OPRM1: variants seen among roughly 807,000 people sequenced by gnomAD.
OPRM1 encodes the protein opioid receptor mu 1.
OPRM1 carries 27 observed loss-of-function variants against 31.8 expected under a neutral mutation model. That is an observed-to-expected ratio of 0.85 (90% CI 0.63 to 1.17). OPRM1 has a LOEUF of 1.17. OPRM1 is among the 50% of genes most tolerant of loss of function. The probability of loss-of-function intolerance (pLI) is 0.00; values close to 1 mark genes in which losing one functional copy is unlikely to be tolerated. For synonymous variants in OPRM1, 196 were observed against 189.9 expected (o/e 1.03, Z -0.26); for missense variants, 536 against 511.1 (o/e 1.05, Z -0.47).
At chr6:154,114,587 G>A (rs1796671997) in intron 3 of OPRM1, among the ~76,000 whole-genome samples, 1 of 152,134 alleles carries the variant, frequency 6.6e-6, no homozygotes, top group Non-Finnish European at 1.5e-5. Context: ...TAATCTTTGG[G>A]TGCAAAAGGG....
In OPRM1 at chr6:154,019,984, T is replaced by C. The variant is rs956193396; in HGVS notation, c.-1+8966T>C. ...CTTGGGAGCAAGTGATCCATCCACG[T>C]TGGCCTCCCAAACTGCTGGGATTAT... On this transcript the variant is annotated intron_variant, in intron 1 of 5. Transcript: ENST00000434900. 2.0e-5 allele frequency among the ~76,000 whole-genome samples: 3 copies of C among 152,146 alleles called. 1 individual carries two copies. In the South Asian group the frequency reaches 6.2e-4, roughly 32 times the overall value.
intron 1 of OPRM1, among the ~76,000 whole-genome samples, chr6:154,069,596 C>A (rs1457563126): frequency 6.6e-6 from 1 of 152,122 alleles, no homozygotes; most frequent in African/African-American, 2.4e-5. Context: ...TGTCATGAAG[C>A]TTTTTCCTAT....
exon 1 of OPRM1, chr6:154,010,811 G>A (rs1369574416): frequency 2.9e-6 from 4 of 1,397,426 alleles, no homozygotes; most frequent in Non-Finnish European, 3.7e-6. Flanking sequence ...GCTCTGAGAT[G>A]ATAGAAAAGG....
At chr6:154,104,928 G>A (rs559130119) in intron 3 of OPRM1, among the ~76,000 whole-genome samples, 1 of 152,170 alleles carries the variant, frequency 6.6e-6, no homozygotes, top group African/African-American at 2.4e-5. Flanking sequence ...TTCTGGACCT[G>A]ACAGAAAATG....
chr6:154,201,972 G>T (rs1309207154), intron 3 of OPRM1, among the ~76,000 whole-genome samples: 1 of 152,132 alleles, frequency 6.6e-6, no homozygotes, highest in Non-Finnish European at 1.5e-5. Context: ...GAGCAAACTA[G>T]GATCTTCTTC....
chr6:154,070,234 G>A (rs1461773), intron 1 of OPRM1, among the ~76,000 whole-genome samples: 22,257 of 152,204 alleles, frequency 0.15, 1,713 homozygotes, highest in Non-Finnish European at 0.17. Flanking sequence ...GGCTCGTGTG[G>A]GAGATAGAAA....
intron 3 of OPRM1, among the ~76,000 whole-genome samples, chr6:154,245,704 T>A (rs1261985479): frequency 6.6e-6 from 1 of 152,230 alleles, no homozygotes; most frequent in East Asian, 1.9e-4. Context: ...CTAAAGGCCC[T>A]CCAGTGCTGA....
intron 1 of OPRM1, among the ~76,000 whole-genome samples, chr6:154,013,451 G>T (rs1487764624): frequency 1.3e-5 from 2 of 152,120 alleles, no homozygotes; most frequent in East Asian, 1.9e-4. Flanking sequence ...GTGAATTTAT[G>T]CATCCAACAA....
intron 3 of OPRM1, among the ~76,000 whole-genome samples, chr6:154,153,654 C>T (rs1798603610): frequency 6.7e-6 from 1 of 149,728 alleles, no homozygotes; most frequent in African/African-American, 2.5e-5. Flanking sequence ...CACTGCACTC[C>T]AGCCTGCGCG....
intron 1 of OPRM1, among the ~76,000 whole-genome samples, chr6:154,019,181 G>GTTTT (rs1778191990): frequency 9.0e-6 from 1 of 111,574 alleles, no homozygotes; most frequent in African/African-American, 3.4e-5. Flanking sequence ...ACCCTGTTGT[G>GTTTT]CTTTTTTTTT....
intron 1 of OPRM1, among the ~76,000 whole-genome samples, chr6:154,023,207 G>T (rs1361912654): frequency 1.3e-5 from 2 of 151,636 alleles, no homozygotes; most frequent in Non-Finnish European, 2.9e-5. Context: ...CAATTTTTTA[G>T]TGTCCTTTTA....
At chr6:154,033,784 G>T (rs1167488216) in intron 1 of OPRM1, among the ~76,000 whole-genome samples, 1 of 152,194 alleles carries the variant, frequency 6.6e-6, no homozygotes, top group Non-Finnish European at 1.5e-5. Context: ...GTGGTCTGTG[G>T]ATTTGTGGGG....
At chr6:154,037,294 A>G (rs1396296586), upstream of OPRM1, among the ~76,000 whole-genome samples, 2 of 151,808 alleles carry the variant, frequency 1.3e-5, no homozygotes, top group East Asian at 1.9e-4. Flanking sequence ...GATTGTGTTT[A>G]GGAAATTTTG....
chr6:154,110,325 G>A, intron 3 of OPRM1: 1 of 1,106,782 alleles, frequency 9.0e-7, no homozygotes, highest in Non-Finnish European at 1.3e-6. Flanking sequence ...TTGGTACATT[G>A]TTCTGTTTTT....
upstream of OPRM1, chr6:154,039,117 C>T (rs1263523684): frequency 6.5e-7 from 1 of 1,529,018 alleles, no homozygotes; most frequent in East Asian, 2.5e-5. Flanking sequence ...CAAAGACTAA[C>T]TCTATCTCTC....
At chr6:154,159,722 G>A (rs1798857487) in intron 3 of OPRM1, 1 of 812,516 alleles carries the variant, frequency 1.2e-6, no homozygotes, top group East Asian at 2.6e-5. Context: ...GCTGATGCTT[G>A]AAGGACTGGG....
rs372676144 is a variant in OPRM1 at position 154,125,721 on chromosome 6, A to G, written c.*7000A>G. On this transcript the variant is annotated 3_prime_UTR_variant, in exon 4 of 4. Transcript: ENST00000330432. ...TCCCATTTGCTTTAAAGTCTCTTAA[A>G]CTTACGCTCTTTCGCTTCAAATGCA... is the stretch of plus-strand genomic sequence containing the variant. Among the ~76,000 whole-genome samples, 75 of 152,232 alleles carry G rather than the reference A, an allele frequency of 4.9e-4. No individual in the cohort carries two copies. Among genetic ancestry groups the G allele is most frequent in the African/African-American group, 1.8e-3 (73 of 41,500 alleles).
chr6:154,076,233 G>A lies in OPRM1; in HGVS notation c.291-13593G>A, dbSNP rs116300000. 9.6e-3 allele frequency among the ~76,000 whole-genome samples: 1,465 copies of A among 152,076 alleles called. 22 individuals carry two copies. Among genetic ancestry groups the A allele is most frequent in the African/African-American group, 0.033 (1,382 of 41,480 alleles). ...ACCTCAGAATAAGTAAGACCTTTAC[G>A]AAAAACATGTACAAACACACCCACC... On this transcript the variant is annotated intron_variant, in intron 1 of 3. Transcript: ENST00000330432.
chr6:154,088,875 A>G (rs977605614), intron 1 of OPRM1, among the ~76,000 whole-genome samples: 45 of 152,094 alleles, frequency 3.0e-4, no homozygotes, highest in Admixed American at 2.0e-4. Flanking sequence ...TGACACACAC[A>G]TCAGGCCATT....
Sources: allele counts gnomAD v4.1 joint callset (sites outside exome capture counted in the v4.1 genomes callset), GRCh38; gene constraint gnomAD v4.1.1; transcripts MANE v1.5; gene names NCBI Gene and HGNC (gene_info 2026-07-23, HGNC 2026-07-21).